NHERF4: variants seen among roughly 807,000 people sequenced by gnomAD.
NHERF4 encodes the protein Na(+)/H(+) exchange regulatory cofactor NHE-RF4.
At chr11:119,188,893 A>G in the NHERF4 span, 1 of 1,611,282 alleles carries the variant, frequency 6.2e-7, no homozygotes, top group Non-Finnish European at 8.5e-7. Context: ...TGGATCTTGA[A>G]TCCCTTCGAT....
At chr11:119,186,095 G>T in the NHERF4 span, 1 of 1,611,726 alleles carries the variant, frequency 6.2e-7, no homozygotes. The surrounding 1 kb of genome is among the most constrained non-coding windows in gnomAD (Gnocchi z 4.4). Flanking sequence ...CTTGCAGGAA[G>T]TTTAAGTTTA....
chr11:119,190,162 A>C, the NHERF4 span: 7 of 906,618 alleles, frequency 7.7e-6, no homozygotes, highest in Non-Finnish European at 1.1e-5. The surrounding 1 kb of genome is among the most constrained non-coding windows in gnomAD (Gnocchi z 4.2). Flanking sequence ...AATAAACAAC[A>C]ACAAAAACAA....
the NHERF4 span, chr11:119,188,702 C>T: frequency 1.2e-5 from 20 of 1,614,220 alleles, no homozygotes; most frequent in Admixed American, 1.7e-5. Flanking sequence ...CCCGGGGCAG[C>T]AGCTCAGCCT....
At chr11:119,187,798 G>T in the NHERF4 span, 1 of 1,458,334 alleles carries the variant, frequency 6.9e-7, no homozygotes, top group Non-Finnish European at 9.0e-7. Flanking sequence ...TCCTTATCTG[G>T]TCTCCTACCT....
chr11:119,186,158 C>A, the NHERF4 span: 14 of 1,614,040 alleles, frequency 8.7e-6, no homozygotes, highest in Middle Eastern at 1.6e-4. The surrounding 1 kb of genome is among the most constrained non-coding windows in gnomAD (Gnocchi z 4.4). Flanking sequence ...AAGACCACGA[C>A]CCCTATGGTA....
At chr11:119,187,140 CAAAAAAA>C in the NHERF4 span, 51 of 509,628 alleles carry the variant, frequency 1.0e-4, no homozygotes, top group African/African-American at 6.0e-4. Flanking sequence ...AACTCCATCT[CAAAAAAA>C]AAAAAAAAAA....
chr11:119,188,559 C>T, the NHERF4 span: 2 of 1,600,844 alleles, frequency 1.2e-6, no homozygotes, highest in African/African-American at 2.7e-5. Flanking sequence ...ATGGTGCGTG[C>T]TGAGGGGCAG....
At chr11:119,188,436 C>G in the NHERF4 span, 1 of 1,613,406 alleles carries the variant, frequency 6.2e-7, no homozygotes, top group Non-Finnish European at 8.5e-7. Flanking sequence ...GTGGCTGTGG[C>G]TGGGGAGAGC....
the NHERF4 span, chr11:119,186,071 G>T: frequency 6.2e-7 from 1 of 1,610,430 alleles, no homozygotes; most frequent in Non-Finnish European, 8.5e-7. The surrounding 1 kb of genome is among the most constrained non-coding windows in gnomAD (Gnocchi z 4.4). Flanking sequence ...GCTTGTACCT[G>T]CTTCCCCTGC....
chr11:119,187,367 C>G, the NHERF4 span: 3 of 1,613,932 alleles, frequency 1.9e-6, no homozygotes, highest in East Asian at 4.5e-5. Context: ...GGAGAAGATG[C>G]CCACCTCTGT....
At chr11:119,189,104 A>G in the NHERF4 span, 9 of 1,613,900 alleles carry the variant, frequency 5.6e-6, no homozygotes, top group South Asian at 9.9e-5. The surrounding 1 kb of genome is among the most constrained non-coding windows in gnomAD (Gnocchi z 5.8). Flanking sequence ...TGACCTGGAG[A>G]GGCTTCAGCA....
At chr11:119,190,090 T>C in the NHERF4 span, 1 of 537,834 alleles carries the variant, frequency 1.9e-6, no homozygotes, top group Non-Finnish European at 3.2e-6. This position sits in a 1 kb window ranked among gnomAD's most constrained non-coding sequence, Gnocchi z 4.2. Context: ...TATCAATCAC[T>C]GAATCTCAGG....
chr11:119,187,035 AG>A, the NHERF4 span, among the ~76,000 whole-genome samples: 1 of 149,748 alleles, frequency 6.7e-6, no homozygotes, highest in South Asian at 2.1e-4. Flanking sequence ...GCTACTCGGG[AG>A]GGCTGAGGCA....
chr11:119,189,792 C>T, the NHERF4 span: 1 of 492,366 alleles, frequency 2.0e-6, no homozygotes, highest in Non-Finnish European at 3.7e-6. The surrounding 1 kb of genome is among the most constrained non-coding windows in gnomAD (Gnocchi z 5.8). Context: ...AGGATTGAAG[C>T]CATCTGGACC....
the NHERF4 span, chr11:119,190,030 G>T: frequency 2.3e-6 from 1 of 439,704 alleles, no homozygotes; most frequent in Non-Finnish European, 4.0e-6. This position sits in a 1 kb window ranked among gnomAD's most constrained non-coding sequence, Gnocchi z 4.2. Context: ...TCAAGGGGTG[G>T]GATGCGGCTC....
At chr11:119,187,890 C>A in the NHERF4 span, 2 of 1,488,612 alleles carry the variant, frequency 1.3e-6, no homozygotes, top group South Asian at 1.4e-5. Flanking sequence ...GAGCATACCT[C>A]TTCTCTCCCT....
the NHERF4 span, chr11:119,189,578 T>C: frequency 6.8e-7 from 1 of 1,472,766 alleles, no homozygotes; most frequent in Admixed American, 1.7e-5. This position sits in a 1 kb window ranked among gnomAD's most constrained non-coding sequence, Gnocchi z 5.8. Flanking sequence ...ATGCTCTCTC[T>C]AAGCCAGACC....
the NHERF4 span, chr11:119,185,786 C>A: frequency 8.8e-7 from 1 of 1,132,682 alleles, no homozygotes. Flanking sequence ...GAAGAGAAGA[C>A]CCCTTTGGAG....
At chr11:119,186,617 G>A in the NHERF4 span, 13 of 1,613,650 alleles carry the variant, frequency 8.1e-6, 1 homozygote, top group African/African-American at 6.7e-5. This position sits in a 1 kb window ranked among gnomAD's most constrained non-coding sequence, Gnocchi z 4.4. Context: ...TCTGCCCAGC[G>A]CCAGGGTCTT....
Sources: gnomAD v4.1 joint callset for allele counts (sites outside exome capture counted in the v4.1 genomes callset) on GRCh38, gnomAD v4.1.1 for gene constraint, Gnocchi (gnomAD v3.1) non-coding constraint, MANE v1.5 for transcripts, NCBI Gene and HGNC (gene_info 2026-07-23, HGNC 2026-07-21) for gene names.